Variants in GALNT7 observed in about 807,000 individuals in gnomAD.
GALNT7 encodes N-acetylgalactosaminyltransferase 7.
In GALNT7, 60 loss-of-function variants were observed where a neutral mutation model predicts 82.1. The observed-to-expected ratio is 0.73, with a 90% CI of 0.59 to 0.91. The LOEUF (loss-of-function observed/expected upper bound fraction) is 0.91. Among genes scored for constraint, GALNT7 ranks in the 40% least tolerant of loss-of-function variants. GALNT7 has a pLI of 0.00. For synonymous variants in GALNT7, 243 were observed against 275.1 expected, an observed-to-expected ratio of 0.88 and a Z score of 1.15; for missense variants, 660 against 804.2, an observed-to-expected ratio of 0.82 and a Z score of 2.17.
chr4:173,172,182 G>T (rs955552938), intron 1 of GALNT7, among the ~76,000 whole-genome samples: 1 of 152,206 alleles, frequency 6.6e-6, no homozygotes, highest in Non-Finnish European at 1.5e-5. Flanking sequence ...CCTGGACTTG[G>T]GGTTTTATAC....
Position 173,318,361 on chromosome 4 carries a change from T to G in GALNT7, c.1708-70T>G, listed in dbSNP as rs551611969. ...TCAATTTAATTATAGGAGTTAAGTT[T>G]CTTTCTTTTCAAATGCACATCAGCA... On this transcript the variant is annotated intron_variant, in intron 10 of 11. Transcript: ENST00000265000. 4 of 1,249,344 alleles carry G rather than the reference T, an allele frequency of 3.2e-6. No homozygotes were observed. The East Asian group carries it at 9.9e-5, about 31-fold the overall frequency. The allele number at this position is 1,249,344 out of a possible 1,614,324, so 77.4% of individuals were successfully genotyped here. A position where few individuals can be genotyped will look rare whatever the true frequency, so the allele number is the denominator to read the frequency against.
chr4:173,236,812 A>G (rs1734248012), intron 1 of GALNT7, among the ~76,000 whole-genome samples: 1 of 152,200 alleles, frequency 6.6e-6, no homozygotes, highest in South Asian at 2.1e-4. Context: ...TTTCTATAAC[A>G]TGGCACTTTT....
intron 1 of GALNT7, among the ~76,000 whole-genome samples, chr4:173,241,266 A>G (rs963631791): frequency 2.6e-5 from 4 of 151,980 alleles, no homozygotes; most frequent in Non-Finnish European, 5.9e-5. Flanking sequence ...TCTAATGAGC[A>G]TGTAGTATTT....
At chr4:173,306,033 G>C (rs1366691805) in intron 8 of GALNT7, among the ~76,000 whole-genome samples, 1 of 151,942 alleles carries the variant, frequency 6.6e-6, no homozygotes, top group African/African-American at 2.4e-5. Context: ...TGATCACAGG[G>C]TATCTTTCCA....
chr4:173,241,107 T>A (rs969682451), intron 1 of GALNT7, among the ~76,000 whole-genome samples: 3 of 151,324 alleles, frequency 2.0e-5, no homozygotes, highest in African/African-American at 7.3e-5. Flanking sequence ...CAGTAGTTCA[T>A]CCCCTGTAAT....
chr4:173,233,095 A>G (rs1320989056), intron 1 of GALNT7, among the ~76,000 whole-genome samples: 2 of 152,162 alleles, frequency 1.3e-5, no homozygotes, highest in African/African-American at 2.4e-5. Context: ...ATAGTACTCC[A>G]TTGTGTGTAT....
rs567397121 is a variant in GALNT7, at chr4:173,299,342, G to A, written c.1148+1045G>A. ...AATAGTCCAGGAATCAACTGCTTAC[G>A]TGCTTAACTTAACAAATAACTGTGG... On this transcript the variant is annotated intron_variant, in intron 6 of 11. Transcript: ENST00000265000. Among the ~76,000 whole-genome samples the A allele has an allele frequency of 5.3e-5, 8 of 152,134 alleles. No individual in the cohort carries two copies. In the South Asian group the frequency reaches 6.2e-4, roughly 12 times the overall value.
chr4:173,280,738 T>C (rs955114558), intron 2 of GALNT7, among the ~76,000 whole-genome samples: 4 of 152,206 alleles, frequency 2.6e-5, no homozygotes, highest in Non-Finnish European at 5.9e-5. Flanking sequence ...TTATTAGAAC[T>C]TATTACAAAT....
At chr4:173,205,838 T>G (rs1209438971) in intron 1 of GALNT7, among the ~76,000 whole-genome samples, 1 of 152,024 alleles carries the variant, frequency 6.6e-6, no homozygotes, top group African/African-American at 2.4e-5. Context: ...TGACTAGGGC[T>G]GCAGGGCCAG....
intron 8 of GALNT7, among the ~76,000 whole-genome samples, chr4:173,305,760 G>T (rs1392179157): frequency 6.6e-6 from 1 of 152,142 alleles, no homozygotes; most frequent in Non-Finnish European, 1.5e-5. Flanking sequence ...CTATGTGTCT[G>T]TTTTTATGTG....
intron 1 of GALNT7, 131 bp downstream of exon 1, chr4:173,169,092 C>A: frequency 3.8e-6 from 3 of 793,422 alleles, no homozygotes; most frequent in South Asian, 2.8e-5. Flanking sequence ...GTGGTGCTGG[C>A]GCAGCGCGGG....
intron 2 of GALNT7, among the ~76,000 whole-genome samples, chr4:173,262,767 A>T (rs945986593): frequency 6.6e-6 from 1 of 152,046 alleles, no homozygotes. Flanking sequence ...CACACCCATC[A>T]TAGTTGAATA....
intron 1 of GALNT7, among the ~76,000 whole-genome samples, chr4:173,176,202 G>C (rs1251596592): frequency 6.6e-6 from 1 of 152,202 alleles, no homozygotes; most frequent in Non-Finnish European, 1.5e-5. Flanking sequence ...AAATCTGGCG[G>C]AAAAGCATTC....
At chr4:173,240,927 A>G (rs1381750866) in intron 1 of GALNT7, among the ~76,000 whole-genome samples, 1 of 152,164 alleles carries the variant, frequency 6.6e-6, no homozygotes, top group African/African-American at 2.4e-5. Flanking sequence ...ATGGCTGTGC[A>G]TGCTTTGCTT....
chr4:173,194,705 ATG>A (rs1162374184), intron 1 of GALNT7, among the ~76,000 whole-genome samples: 8 of 152,066 alleles, frequency 5.3e-5, no homozygotes, highest in Non-Finnish European at 1.0e-4. Flanking sequence ...TTTGTTACAT[ATG>A]TATGCATGTG....
intron 1 of GALNT7, among the ~76,000 whole-genome samples, chr4:173,225,950 C>T (rs933194377): frequency 6.6e-6 from 1 of 152,148 alleles, no homozygotes; most frequent in South Asian, 2.1e-4. Flanking sequence ...GTTCAAAGTC[C>T]TTCCAATTTG....
At chr4:173,172,100 C>T (rs1731895041) in intron 1 of GALNT7, among the ~76,000 whole-genome samples, 1 of 152,170 alleles carries the variant, frequency 6.6e-6, no homozygotes, top group Non-Finnish European at 1.5e-5. Flanking sequence ...AGCTTTAGAG[C>T]AGGAACGGAA....
At chr4:173,184,871 T>C (rs1732419228) in intron 1 of GALNT7, among the ~76,000 whole-genome samples, 1 of 152,186 alleles carries the variant, frequency 6.6e-6, no homozygotes, top group Non-Finnish European at 1.5e-5. Flanking sequence ...CTATGAGCAT[T>C]GGGCCACTTG....
At chr4:173,314,559 A>G (rs2126869746) in intron 9 of GALNT7, among the ~76,000 whole-genome samples, 1 of 152,304 alleles carries the variant, frequency 6.6e-6, no homozygotes, top group South Asian at 2.1e-4. Flanking sequence ...ATGCAGTTCT[A>G]TGTTCTTTCC....
Sources: allele counts gnomAD v4.1 joint callset (sites outside exome capture counted in the v4.1 genomes callset), GRCh38; gene constraint gnomAD v4.1.1; transcripts MANE v1.5; gene names NCBI Gene and HGNC (gene_info 2026-07-23, HGNC 2026-07-21).